SLC38A10: variants seen among roughly 807,000 people sequenced by gnomAD.
SLC38A10 encodes the protein solute carrier family 38 member 10.
Under a neutral mutation model 81.0 loss-of-function variants are expected in SLC38A10, and 53 were observed. The observed-to-expected ratio is 0.65, with a 90% CI of 0.53 to 0.82. The LOEUF (loss-of-function observed/expected upper bound fraction) is 0.82, where lower values mean the gene tolerates loss of function less well. Ranked by LOEUF, SLC38A10 falls within the 40% of genes least tolerant of loss-of-function variation. SLC38A10 has a pLI of 0.00. For missense variants in SLC38A10, 1,471 were observed against 1,545.0 expected (o/e 0.95, Z 0.80); for synonymous variants, 665 against 655.3 (o/e 1.01, Z -0.23).
intron 11 of SLC38A10, among the ~76,000 whole-genome samples, chr17:81,255,348 C>A (rs1022708039): frequency 2.6e-5 from 4 of 152,268 alleles, no homozygotes; most frequent in African/African-American, 9.6e-5. Context: ...GCGTCAGGGA[C>A]AGTTTGCCGG....
chr17:81,267,259 T>G (rs2063078173), intron 10 of SLC38A10, among the ~76,000 whole-genome samples: 1 of 152,204 alleles, frequency 6.6e-6, no homozygotes, highest in Admixed American at 6.5e-5. Context: ...AAACTGAGGA[T>G]ACATACTTTG....
chr17:81,250,152 C>CT lies in SLC38A10; in HGVS notation c.2065+1340dup, dbSNP rs376215491. 41 of 1,268,868 alleles carry CT rather than the reference C, an allele frequency of 3.2e-5. No individual in the cohort carries two copies. In the Middle Eastern group the frequency reaches 6.6e-4, roughly 20 times the overall value. 78.6% of individuals were successfully genotyped at this position (1,268,868 alleles called of 1,614,324 possible). ...GGCAGAATAGGAAACCGTGAAAAGT[C>CT]TTTTTCAGAAAGAAGAAAATCAAAA... is the stretch of plus-strand genomic sequence containing the variant. On this transcript the variant is annotated intron_variant, in intron 14 of 15. Transcript: ENST00000374759.
At chr17:81,278,447 C>T (rs567567706) in intron 6 of SLC38A10, among the ~76,000 whole-genome samples, 14 of 152,298 alleles carry the variant, frequency 9.2e-5, no homozygotes, top group East Asian at 7.7e-4. Context: ...GCTGGTGTCC[C>T]GTTGCCCAGG....
chr17:81,253,089 G>A lies in SLC38A10; in HGVS notation c.1440C>T (p.Leu480=), dbSNP rs770924078. ...DGKEAPEEAQ[L]DRPGQGIAVP... ...GCCCAGCACCTTGCCCAGGGCGATC[G>A]AGCTGTGCCTCCTCCGGTGCCTCCT... The change falls in exon 12 of 16, where the codon CTC becomes CTT. Residue 480 remains leucine (L), a synonymous_variant. Transcript: ENST00000374759. The surrounding 1 kb of genome is among the most constrained non-coding windows in gnomAD (Gnocchi z 4.1). 49 of 1,613,184 alleles carry A rather than the reference G, an allele frequency of 3.0e-5. No individual in the cohort carries two copies. The South Asian group carries it at 4.0e-4, about 13-fold the overall frequency.
chr17:81,250,445 G>T (rs2062900002), intron 14 of SLC38A10, among the ~76,000 whole-genome samples: 1 of 152,248 alleles, frequency 6.6e-6, no homozygotes, highest in South Asian at 2.1e-4. Flanking sequence ...AGGGCAAGAT[G>T]CGCGGGCAGG....
rs1184308121 is a variant in SLC38A10 at position 81,294,814 on chromosome 17, C to T, written c.99+9G>A. On this transcript the variant is annotated intron_variant, in intron 1 of 15. Transcript: ENST00000374759. ...CGAGGGCGGTGATCTCCGGGCCCAC[C>T]GGACTCACCTGTTTGAAGCAGAAGG... The T allele has an allele frequency of 1.3e-6, 2 of 1,574,574 alleles. No homozygotes were observed. Among genetic ancestry groups the T allele is most frequent in the African/African-American group, 2.8e-5 (2 of 71,780 alleles).
intron 14 of SLC38A10, among the ~76,000 whole-genome samples, chr17:81,247,960 T>TC (rs1185452601): frequency 7.4e-6 from 1 of 135,820 alleles, no homozygotes; most frequent in Non-Finnish European, 1.6e-5. Flanking sequence ...CTTTTTTTTT[T>TC]TTTTTTTTTT....
chr17:81,283,360 G>A lies in SLC38A10; in HGVS notation c.357+49C>T, dbSNP rs1598404034. On this transcript the variant is annotated intron_variant, in intron 4 of 15. Coordinates refer to ENST00000374759, the MANE Select transcript of SLC38A10 (RefSeq NM_001037984.3). The surrounding 1 kb of genome is among the most constrained non-coding windows in gnomAD (Gnocchi z 4.7). Reference sequence around the variant, plus strand: ...CGGGAGGATCCCACAGAGGGCCTCAGAGCAGCCGTCAGCATCTGAACAACC... The same window carrying A: ...CGGGAGGATCCCACAGAGGGCCTCAAAGCAGCCGTCAGCATCTGAACAACC... The A allele has an allele frequency of 9.7e-6, 15 of 1,551,824 alleles. No homozygotes were observed. The highest frequency in any genetic ancestry group is 1.3e-5 in the Non-Finnish European group (15 of 1,133,498).
chr17:81,262,215 G>A (rs1228249024), intron 10 of SLC38A10, among the ~76,000 whole-genome samples: 1 of 152,224 alleles, frequency 6.6e-6, no homozygotes, highest in African/African-American at 2.4e-5. Flanking sequence ...GCCTCTTACA[G>A]CCCTTGTGAC....
intron 8 of SLC38A10, among the ~76,000 whole-genome samples, chr17:81,273,664 T>TG (rs777875516): frequency 3.7e-4 from 56 of 151,444 alleles, no homozygotes; most frequent in Non-Finnish European, 2.5e-4. Context: ...GCCATGGAGG[T>TG]GGGGGGTTAG....
chr17:81,253,542 C>A lies in SLC38A10; in HGVS notation c.1289-302G>T. Among the ~76,000 whole-genome samples, 1 of 152,110 alleles carries A rather than the reference C, an allele frequency of 6.6e-6. No individual in the cohort carries two copies. Among genetic ancestry groups the A allele is most frequent in the East Asian group, 1.9e-4 (1 of 5,200 alleles). ...GCCCACCGACCCACTCTCCCACAGT[C>A]CCCTCCATTACCATCACCTCCATCA... On this transcript the variant is annotated intron_variant, in intron 11 of 15. Coordinates refer to ENST00000374759, the MANE Select transcript of SLC38A10 (RefSeq NM_001037984.3). The surrounding 1 kb of genome is among the most constrained non-coding windows in gnomAD (Gnocchi z 4.1).
At chr17:81,252,782 A>G in intron 12 of SLC38A10, 99 bp from the exon 13 acceptor site, 4 of 1,476,902 alleles carry the variant, frequency 2.7e-6, no homozygotes, top group Non-Finnish European at 3.6e-6. Flanking sequence ...GGCTCCCAAC[A>G]GTGTGACACA....
chr17:81,269,232 G>T (rs548183098), intron 10 of SLC38A10, among the ~76,000 whole-genome samples: 1 of 152,294 alleles, frequency 6.6e-6, no homozygotes, highest in African/African-American at 2.4e-5. Context: ...ATCCATAAGG[G>T]GCTGGGTGTA....
Position 81,253,622 on chromosome 17 carries a change from CCAT to C in SLC38A10, c.1289-385_1289-383del, listed in dbSNP as rs2062941362. On this transcript the variant is annotated intron_variant, in intron 11 of 15. Transcript: ENST00000374759. The surrounding 1 kb of genome is among the most constrained non-coding windows in gnomAD (Gnocchi z 4.1). ...ACCACCACCATCACCGCTATCATCACCATCATCTCCATCCCTACCACCATCAAC... is the reference window on the plus strand; with the variant it reads ...ACCACCACCATCACCGCTATCATCACCATCTCCATCCCTACCACCATCAAC... Among the ~76,000 whole-genome samples the C allele has an allele frequency of 6.6e-6, 1 of 151,562 alleles. No individual in the cohort carries two copies. Among genetic ancestry groups the C allele is most frequent in the South Asian group, 2.1e-4 (1 of 4,770 alleles).
chr17:81,250,826 A>AG (rs2062903329), intron 14 of SLC38A10: 1 of 1,008,830 alleles, frequency 9.9e-7, no homozygotes, highest in Non-Finnish European at 1.2e-6. Context: ...GGCCACAAGG[A>AG]GGGGTCGCAA....
In SLC38A10 at chr17:81,295,197, C is replaced by T. The variant is rs1268952413; in HGVS notation, c.-276G>A. 3.1e-5 allele frequency: 7 copies of T among 229,262 alleles called. No individual in the cohort carries two copies. The highest frequency in any genetic ancestry group is 1.3e-4 in the South Asian group (1 of 7,824). 14.2% of individuals were successfully genotyped at this position (229,262 alleles called of 1,614,324 possible). On this transcript the variant is annotated 5_prime_UTR_variant, in exon 1 of 16. Coordinates refer to ENST00000374759, the MANE Select transcript of SLC38A10 (RefSeq NM_001037984.3). ...CCGCCTCAGGGCCATGCGTCCCTCG[C>T]TCGGCCTCGCGGGCCGCCTGTGAAT...
chr17:81,286,548 T>C lies in SLC38A10; in HGVS notation c.218-1653A>G, dbSNP rs1378868789. Reference sequence around the variant, plus strand: ...CCACTCCTTCACATCCTGCGTGGACTGGCACAGAGAAAGGGAGGAAGAGGC... The same window carrying C: ...CCACTCCTTCACATCCTGCGTGGACCGGCACAGAGAAAGGGAGGAAGAGGC... On this transcript the variant is annotated intron_variant, in intron 2 of 15. Transcript: ENST00000374759. This position sits in a 1 kb window ranked among gnomAD's most constrained non-coding sequence, Gnocchi z 6.0. Among the ~76,000 whole-genome samples, 1 of 152,186 alleles carries C rather than the reference T, an allele frequency of 6.6e-6. No homozygotes were observed. The highest frequency in any genetic ancestry group is 2.4e-5 in the African/African-American group (1 of 41,442).
intron 1 of SLC38A10, among the ~76,000 whole-genome samples, chr17:81,292,011 C>CT (rs1300015754): frequency 6.6e-6 from 1 of 152,164 alleles, no homozygotes. Context: ...TATGAAAATT[C>CT]ATCAACAGCA....
At chr17:81,252,961 G>T in intron 12 of SLC38A10, 112 bp downstream of exon 12, 1 of 1,366,758 alleles carries the variant, frequency 7.3e-7, no homozygotes, top group Non-Finnish European at 1.0e-6. Flanking sequence ...AGGCTGGGCT[G>T]AAGGGAAAAA....
Sources: allele counts gnomAD v4.1 joint callset (sites outside exome capture counted in the v4.1 genomes callset), GRCh38; gene constraint gnomAD v4.1.1; non-coding constraint Gnocchi (gnomAD v3.1); transcripts MANE v1.5; gene names NCBI Gene and HGNC (gene_info 2026-07-23, HGNC 2026-07-21).